Variants in ANKS1B observed in about 807,000 individuals in gnomAD.
The protein encoded by ANKS1B is ankyrin repeat and sterile alpha motif domain containing 1B.
In ANKS1B, 36 loss-of-function variants were observed where a neutral mutation model predicts 148.3. The ratio of observed to expected loss-of-function variants is 0.24; its 90% CI spans 0.19 to 0.32. The LOEUF (loss-of-function observed/expected upper bound fraction) is 0.32, where lower values mean the gene tolerates loss of function less well. ANKS1B is among the 10% of genes least tolerant of loss of function. ANKS1B has a pLI of 1.00. For missense variants in ANKS1B, 1,157 were observed against 1,542.6 expected (o/e 0.75, Z 4.19); for synonymous variants, 542 against 560.8 (o/e 0.97, Z 0.47).
chr12:99,154,997 A>G lies in ANKS1B; in HGVS notation c.2420-602T>C. On this transcript the variant is annotated intron_variant, in intron 14 of 26. Coordinates refer to ENST00000683438, the MANE Select transcript of ANKS1B (RefSeq NM_001352186.2). ...ATCCAAGCGTCAATCTTGAATGATG[A>G]GAGCAGTCAAAACAAATGCAGAAAA... 3.3e-6 allele frequency: 5 copies of G among 1,535,430 alleles called. No individual in the cohort carries two copies. In the South Asian group the frequency reaches 3.6e-5, roughly 11 times the overall value.
intron 15 of ANKS1B, among the ~76,000 whole-genome samples, chr12:99,143,216 C>T (rs1290518838): frequency 6.6e-6 from 1 of 152,032 alleles, no homozygotes; most frequent in Non-Finnish European, 1.5e-5. Flanking sequence ...AAAAGTATAA[C>T]AATGTGAAAT....
intron 17 of ANKS1B, among the ~76,000 whole-genome samples, chr12:98,857,642 T>C (rs1226598213): frequency 6.6e-6 from 1 of 151,858 alleles, no homozygotes; most frequent in Non-Finnish European, 1.5e-5. Context: ...GTTGAATAAA[T>C]ATGAATAAAT....
rs115099065 is a variant in ANKS1B at position 99,053,327 on chromosome 12, A to G, written c.2626-18T>C. ...GGTCTCATCTGTAATAAAGAAAATT[A>G]CATTAGGATTAAACTGTATACTTTG... On this transcript the variant is annotated intron_variant, in intron 16 of 26. Coordinates refer to ENST00000683438, the MANE Select transcript of ANKS1B (RefSeq NM_001352186.2). 56 of 1,568,842 alleles carry G rather than the reference A, an allele frequency of 3.6e-5. No individual in the cohort carries two copies. The African/African-American group carries it at 7.0e-4, about 20-fold the overall frequency.
chr12:98,933,964 T>C (rs904331779), intron 17 of ANKS1B, among the ~76,000 whole-genome samples: 1 of 152,166 alleles, frequency 6.6e-6, no homozygotes, highest in African/African-American at 2.4e-5. Flanking sequence ...AGTTGCCTTT[T>C]CACTCAGTTG....
chr12:99,138,662 C>T (rs1035760689), intron 15 of ANKS1B, among the ~76,000 whole-genome samples: 8 of 152,198 alleles, frequency 5.3e-5, no homozygotes, highest in African/African-American at 1.9e-4. Context: ...AACACTTCCA[C>T]TCAGAGAGGC....
chr12:99,337,184 A>G (rs533185820), intron 12 of ANKS1B, among the ~76,000 whole-genome samples: 12 of 151,770 alleles, frequency 7.9e-5, no homozygotes, highest in African/African-American at 2.7e-4. Flanking sequence ...GGTGTGCTTC[A>G]TTGTTTTTTC....
chr12:99,142,999 A>C (rs1441438756), intron 15 of ANKS1B, among the ~76,000 whole-genome samples: 1 of 152,136 alleles, frequency 6.6e-6, no homozygotes, highest in Non-Finnish European at 1.5e-5. Context: ...TTTCTGAAAA[A>C]AGAATGTATA....
intron 1 of ANKS1B, among the ~76,000 whole-genome samples, chr12:99,830,425 G>A (rs1314961561): frequency 6.6e-6 from 1 of 151,898 alleles, no homozygotes; most frequent in Non-Finnish European, 1.5e-5. Flanking sequence ...TCAACTAAAA[G>A]TTCTAAATTT....
intron 17 of ANKS1B, among the ~76,000 whole-genome samples, chr12:98,980,866 T>G (rs1190464999): frequency 6.6e-6 from 1 of 152,200 alleles, no homozygotes; most frequent in East Asian, 1.9e-4. Context: ...CCTCTGCTTA[T>G]GGACCATAAA....
intron 24 of ANKS1B, among the ~76,000 whole-genome samples, chr12:98,778,757 T>G (rs899484929): frequency 6.6e-6 from 1 of 152,182 alleles, no homozygotes; most frequent in African/African-American, 2.4e-5. Flanking sequence ...TTTCTCAGTC[T>G]TACCCAGTCA....
At chr12:98,757,940 G>A (rs1008254542) in intron 25 of ANKS1B, among the ~76,000 whole-genome samples, 2 of 54,954 alleles carry the variant, frequency 3.6e-5, no homozygotes, top group South Asian at 1.7e-3. Flanking sequence ...GTGTGCACGT[G>A]TGTGTGTGTG....
intron 17 of ANKS1B, among the ~76,000 whole-genome samples, chr12:99,003,837 C>T (rs2099934475): frequency 6.6e-6 from 1 of 152,136 alleles, no homozygotes; most frequent in African/African-American, 2.4e-5. Context: ...ACATTCCAAG[C>T]CCCATTTTGC....
At chr12:99,513,679 T>A (rs2096788597) in intron 9 of ANKS1B, among the ~76,000 whole-genome samples, 2 of 152,022 alleles carry the variant, frequency 1.3e-5, no homozygotes, top group Non-Finnish European at 2.9e-5. Flanking sequence ...CAATAAATCC[T>A]CAAGTCCTAT....
intron 17 of ANKS1B, among the ~76,000 whole-genome samples, chr12:99,039,972 G>A (rs953254352): frequency 6.6e-6 from 1 of 152,168 alleles, no homozygotes; most frequent in Non-Finnish European, 1.5e-5. Flanking sequence ...CGTTTGTATT[G>A]TAGTTTGTCT....
At chr12:99,379,889 T>G (rs2093564891) in intron 12 of ANKS1B, among the ~76,000 whole-genome samples, 1 of 152,238 alleles carries the variant, frequency 6.6e-6, no homozygotes, top group East Asian at 1.9e-4. Flanking sequence ...GAAAGTTGTA[T>G]GAATTTCATA....
chr12:98,768,030 T>C (rs907478934), intron 25 of ANKS1B, among the ~76,000 whole-genome samples: 14 of 152,150 alleles, frequency 9.2e-5, no homozygotes, highest in Admixed American at 3.9e-4. Flanking sequence ...ACATCCTTCT[T>C]TTCTGCTCAC....
intron 7 of ANKS1B, 124 bp from the exon 8 acceptor site, chr12:99,773,212 C>T (rs1183481564): frequency 1.4e-6 from 1 of 718,332 alleles, no homozygotes; most frequent in Non-Finnish European, 2.2e-6. Context: ...CAGTCAGACA[C>T]TATTCTGCTG....
intron 9 of ANKS1B, among the ~76,000 whole-genome samples, chr12:99,516,678 C>A (rs1017858861): frequency 2.6e-5 from 4 of 152,024 alleles, no homozygotes; most frequent in Admixed American, 1.3e-4. Context: ...TGCAGCAAAC[C>A]ACCATGGCAC....
intron 17 of ANKS1B, among the ~76,000 whole-genome samples, chr12:98,964,390 G>A (rs1284689410): frequency 6.6e-6 from 1 of 152,144 alleles, no homozygotes; most frequent in Non-Finnish European, 1.5e-5. Flanking sequence ...ACAGTTTGGA[G>A]GTTCCTTAAA....
Sources: allele counts gnomAD v4.1 joint callset (sites outside exome capture counted in the v4.1 genomes callset), GRCh38; gene constraint gnomAD v4.1.1; transcripts MANE v1.5; gene names NCBI Gene and HGNC (gene_info 2026-07-23, HGNC 2026-07-21).